AKR1C3: variants seen among roughly 807,000 people sequenced by gnomAD.
AKR1C3 encodes the protein 3-alpha hydroxysteroid dehydrogenase, type II.
A neutral mutation model predicts 43.6 loss-of-function variants in AKR1C3; 48 were observed. The observed-to-expected ratio is 1.10, with a 90% CI of 0.87 to 1.40. The LOEUF is 1.40. Among genes scored for constraint, AKR1C3 ranks in the 40% most tolerant of loss-of-function variants. AKR1C3 has a pLI of 0.00. For synonymous variants in AKR1C3, 162 were observed against 139.6 expected (o/e 1.16, Z -1.13); for missense variants, 482 against 391.2 (o/e 1.23, Z -1.96).
At chr10:5,065,439 G>A (rs1238821992) in intron 1 of AKR1C3, among the ~76,000 whole-genome samples, 2 of 152,168 alleles carry the variant, frequency 1.3e-5, no homozygotes, top group East Asian at 1.9e-4. Flanking sequence ...CCAAGATGAT[G>A]ATATTAGGAG....
At chr10:5,098,026 T>G (rs1839253847) in intron 3 of AKR1C3, 1 of 1,002,446 alleles carries the variant, frequency 1.0e-6, no homozygotes. Flanking sequence ...AAAGCTTTAT[T>G]ATTCTGCTGC....
chr10:5,106,935 T>TAGGAAACCATGC (rs1839517001), intron 8 of AKR1C3, among the ~76,000 whole-genome samples: 1 of 152,024 alleles, frequency 6.6e-6, no homozygotes, highest in Non-Finnish European at 1.5e-5. Flanking sequence ...GGAAACCATG[T>TAGGAAACCATGC]AAAAGAAAGG....
intron 1 of AKR1C3, among the ~76,000 whole-genome samples, chr10:5,084,037 A>G (rs1838901217): frequency 6.6e-6 from 1 of 152,052 alleles, no homozygotes; most frequent in Admixed American, 6.5e-5. Context: ...TTGCCTGTTC[A>G]CTCTGATGGT....
intron 1 of AKR1C3, among the ~76,000 whole-genome samples, chr10:5,058,426 G>A (rs906836334): frequency 6.6e-6 from 1 of 152,186 alleles, no homozygotes; most frequent in African/African-American, 2.4e-5. Context: ...AAACAAATGA[G>A]CCACCTCTTT....
At position 5,094,528 on chromosome 10, in the gene AKR1C3, G is replaced by A. The variant is rs1554784878; in HGVS notation, c.84G>A (p.Glu28=). ...VLGFGTYAPP[E]VPRSKALEVT... is the part of the protein sequence containing the mutation. ...GATTTGGCACCTATGCACCTCCAGA[G>A]GTAAGAATAATTCCTTTTAGTTTTC... Residue 28 remains glutamate, a splice_region_variant and synonymous_variant, in exon 1 of 9, where the codon GAG becomes GAA. Transcript: ENST00000380554. 2 of 1,612,512 alleles carry A rather than the reference G, an allele frequency of 1.2e-6. No individual in the cohort carries two copies. The highest frequency in any genetic ancestry group is 2.2e-5 in the South Asian group (2 of 91,044).
intron 1 of AKR1C3, among the ~76,000 whole-genome samples, chr10:5,079,445 A>G (rs535992487): frequency 4.3e-4 from 66 of 152,312 alleles, no homozygotes; most frequent in Non-Finnish European, 7.9e-4. Context: ...GAGGAAATAC[A>G]CGTTAGTGAA....
chr10:5,081,382 A>C (rs1838835006), intron 1 of AKR1C3, among the ~76,000 whole-genome samples: 1 of 152,232 alleles, frequency 6.6e-6, no homozygotes, highest in African/African-American at 2.4e-5. Context: ...GTTGGGCCGC[A>C]GTGGCCATTG....
intron 1 of AKR1C3, among the ~76,000 whole-genome samples, chr10:5,083,745 T>C (rs2131820781): frequency 6.6e-6 from 1 of 152,282 alleles, no homozygotes; most frequent in East Asian, 1.9e-4. Context: ...ACCTGTTGTT[T>C]CCTGACTGTT....
At chr10:5,065,602 G>A (rs1554780723) in intron 1 of AKR1C3, among the ~76,000 whole-genome samples, 1 of 152,200 alleles carries the variant, frequency 6.6e-6, no homozygotes, top group Non-Finnish European at 1.5e-5. Flanking sequence ...ACACTTCACA[G>A]TGTGGTAATG....
rs114189115 is a variant in AKR1C3, at chr10:5,057,825, G to T, written c.84+8930G>T. Among the ~76,000 whole-genome samples, 13 of 152,104 alleles carry T rather than the reference G, an allele frequency of 8.5e-5. 1 individual carries two copies. The highest frequency in any genetic ancestry group is 3.3e-4 in the Admixed American group (5 of 15,294). On this transcript the variant is annotated intron_variant, in intron 1 of 8. Coordinates refer to the AKR1C3 transcript ENST00000439082. ...AGATACCACATATCTCCAAACTCTC[G>T]GGCTGTAGCTAAAGCTGCATTCTTT... is the stretch of plus-strand genomic sequence containing the variant.
chr10:5,060,482 C>A (rs1359430929), intron 1 of AKR1C3, among the ~76,000 whole-genome samples: 3 of 152,154 alleles, frequency 2.0e-5, no homozygotes, highest in Non-Finnish European at 4.4e-5. Flanking sequence ...ATTCACAAAC[C>A]CTGAGTTAGA....
At chr10:5,107,354 G>C in intron 8 of AKR1C3, 107 bp from the exon 9 acceptor site, 1 of 786,688 alleles carries the variant, frequency 1.3e-6, no homozygotes, top group East Asian at 2.7e-5. Flanking sequence ...TCTACAACTA[G>C]TCAGACAACT....
intron 1 of AKR1C3, chr10:5,048,928 A>G: frequency 6.4e-7 from 1 of 1,573,940 alleles, no homozygotes. Flanking sequence ...AGAGAGTTGA[A>G]AAGAGCAAAG....
At chr10:5,098,126 T>C in intron 3 of AKR1C3, 2 of 986,654 alleles carry the variant, frequency 2.0e-6, no homozygotes, top group Non-Finnish European at 2.4e-6. Flanking sequence ...AGAAAACTAC[T>C]CAGGCTAGTT....
At position 5,096,478 on chromosome 10, in the gene AKR1C3, T is replaced by A; in HGVS notation, c.153T>A (p.Ser51=). 1 of 1,613,910 alleles carries A rather than the reference T, an allele frequency of 6.2e-7. No homozygotes were observed. ...AAGCTGGGTTCCGCCATATAGATTC[T>A]GCTCATTTATACAATAATGAGGAGC... ...AIEAGFRHID[S]AHLYNNEEQV... The change falls in exon 2 of 9, where the codon TCT becomes TCA. Residue 51 remains serine, a synonymous_variant. Transcript: ENST00000380554.
chr10:5,059,944 T>A (rs1838347376), intron 1 of AKR1C3, among the ~76,000 whole-genome samples: 1 of 151,448 alleles, frequency 6.6e-6, no homozygotes, highest in South Asian at 2.1e-4. Flanking sequence ...ATGTCTGGAG[T>A]TTTTTCCTTC....
rs567233322 is a variant in AKR1C3 at position 5,077,956 on chromosome 10, A to G, written c.85-18454A>G. The stretch of plus-strand genomic sequence containing the variant: ...ATGAATCTTCAGCCAACAACTGTTC[A>G]AGAAGGATGCAAATATCACAGGTAA... On this transcript the variant is annotated intron_variant, in intron 1 of 8. Coordinates refer to the AKR1C3 transcript ENST00000439082. 4.9e-5 allele frequency: 33 copies of G among 675,204 alleles called. 1 individual carries two copies. The highest frequency in any genetic ancestry group is 1.6e-4 in the South Asian group (10 of 61,982). The allele number at this position is 675,204 out of a possible 1,614,324, so 41.8% of individuals were successfully genotyped here. A position where few individuals can be genotyped will look rare whatever the true frequency, so the allele number is the denominator to read the frequency against.
Position 5,102,167 on chromosome 10 carries a change from C to G in AKR1C3, c.637C>G (p.Leu213Val), listed in dbSNP as rs201942799. ...LDFCKSKDIV[L>V]VAYSALGSQR... ...TTTCTGCAAGTCGAAAGATATTGTT[C>G]TGGTTGCCTATAGTGCTCTGGGATC... Residue 213 changes from leucine to valine, a missense_variant, in exon 6 of 9, where the codon CTG (leucine) becomes GTG (valine). Leu to Val is a conservative substitution (Grantham distance 32). Transcript: ENST00000380554. The G allele has an allele frequency of 5.0e-6, 8 of 1,613,910 alleles. No individual in the cohort carries two copies. Among genetic ancestry groups the G allele is most frequent in the African/African-American group, 1.3e-5 (1 of 74,896 alleles).
Position 5,102,162 on chromosome 10 carries a change from T to C in AKR1C3, c.632T>C (p.Ile211Thr), listed in dbSNP as rs200858905. Residue 211 changes from isoleucine to threonine, a missense_variant, in exon 6 of 9, where the codon ATT (isoleucine) becomes ACT (threonine). Transcript: ENST00000380554. ...CTAGATTTCTGCAAGTCGAAAGATATTGTTCTGGTTGCCTATAGTGCTCTG... is the reference window on the plus strand; with the variant it reads ...CTAGATTTCTGCAAGTCGAAAGATACTGTTCTGGTTGCCTATAGTGCTCTG... ...KLLDFCKSKD[I>T]VLVAYSALGS... 21 of 1,614,118 alleles carry C rather than the reference T, an allele frequency of 1.3e-5. No homozygotes were observed. Among genetic ancestry groups the C allele is most frequent in the Non-Finnish European group, 1.7e-5 (20 of 1,179,976 alleles).
Sources: allele counts gnomAD v4.1 joint callset (sites outside exome capture counted in the v4.1 genomes callset), GRCh38; gene constraint gnomAD v4.1.1; transcripts MANE v1.5; gene names NCBI Gene and HGNC (gene_info 2026-07-23, HGNC 2026-07-21).